TEX26: variants seen among roughly 807,000 people sequenced by gnomAD.
TEX26 encodes the protein testis-expressed protein 26.
Under a neutral mutation model 35.3 loss-of-function variants are expected in TEX26, and 34 were observed. The observed-to-expected ratio is 0.96, with a 90% CI of 0.73 to 1.28. TEX26 has a LOEUF of 1.28. TEX26 is among the 50% of genes most tolerant of loss of function. TEX26 has a pLI of 0.00. For missense variants in TEX26, 371 were observed against 330.1 expected (o/e 1.12, Z -0.96); for synonymous variants, 136 against 111.8 (o/e 1.22, Z -1.36).
Position 30,952,797 on chromosome 13 carries a change from T to C in TEX26, c.284T>C (p.Ile95Thr). Residue 95 changes from isoleucine (I) to threonine (T), a missense_variant, in exon 3 of 7, where the codon ATC becomes ACC. Ile to Thr is a moderately conservative substitution (Grantham distance 89). Transcript: ENST00000380473. ...DLIKTETSRG[I>T]KSHKSHLNED... ...ATCAAAACTGAGACTTCAAGAGGAA[T>C]CAAGAGCCACAAATCTCATCTCAAT... The C allele has an allele frequency of 6.2e-7, 1 of 1,613,058 alleles. No homozygotes were observed.
intron 2 of TEX26, among the ~76,000 whole-genome samples, chr13:30,946,780 G>A: frequency 6.6e-6 from 1 of 151,884 alleles, no homozygotes; most frequent in African/African-American, 2.4e-5. Context: ...TTAAATAGCT[G>A]CAAAAGATTA....
intron 4 of TEX26, among the ~76,000 whole-genome samples, chr13:30,957,939 T>C (rs1409602922): frequency 6.6e-6 from 1 of 152,234 alleles, no homozygotes. Flanking sequence ...TGGTGTCTTC[T>C]GTAGGTAAGT....
At chr13:30,960,144 T>C (rs1240655326) in intron 4 of TEX26, among the ~76,000 whole-genome samples, 1 of 152,264 alleles carries the variant, frequency 6.6e-6, no homozygotes, top group Non-Finnish European at 1.5e-5. Context: ...AGCTACTGGA[T>C]AGTTGGATCG....
chr13:30,947,815 T>G (rs1280892209), intron 2 of TEX26, among the ~76,000 whole-genome samples: 1 of 152,200 alleles, frequency 6.6e-6, no homozygotes, highest in Non-Finnish European at 1.5e-5. Flanking sequence ...TGTATACATG[T>G]GCCGTGTTGG....
In TEX26 at chr13:30,960,153, C is replaced by T. The variant is rs554912035; in HGVS notation, c.469+3124C>T. Among the ~76,000 whole-genome samples, 13 of 152,320 alleles carry T rather than the reference C, an allele frequency of 8.5e-5. No homozygotes were observed. The South Asian group carries it at 2.3e-3, about 27-fold the overall frequency. ...TTAGGAAGCTACTGGATAGTTGGATCGAGCCTTAAATTATCTTACCTTTTC... is the reference window on the plus strand; with the variant it reads ...TTAGGAAGCTACTGGATAGTTGGATTGAGCCTTAAATTATCTTACCTTTTC... On this transcript the variant is annotated intron_variant, in intron 4 of 6. Transcript: ENST00000380473.
intron 2 of TEX26, among the ~76,000 whole-genome samples, chr13:30,949,370 A>G (rs906289666): frequency 6.6e-6 from 1 of 152,158 alleles, no homozygotes; most frequent in Admixed American, 6.5e-5. Flanking sequence ...TCCGGTTTAT[A>G]CCATCTTTAC....
Position 30,975,004 on chromosome 13 carries a change from C to A in TEX26, c.*97C>A, listed in dbSNP as rs567701017. 1 of 772,464 alleles carries A rather than the reference C, an allele frequency of 1.3e-6. No individual in the cohort carries two copies. The highest frequency in any genetic ancestry group is 2.0e-6 in the Non-Finnish European group (1 of 494,454). The allele number at this position is 772,464 out of a possible 1,614,324, so 47.9% of individuals were successfully genotyped here. A position where few individuals can be genotyped will look rare whatever the true frequency, so the allele number is the denominator to read the frequency against. ...TCAATTATCAAGGAAAAATAAGATGCAAATAGCTTCAAGTATGATGTGATA... is the reference window on the plus strand; with the variant it reads ...TCAATTATCAAGGAAAAATAAGATGAAAATAGCTTCAAGTATGATGTGATA... On this transcript the variant is annotated 3_prime_UTR_variant, in exon 7 of 7. Transcript: ENST00000380473.
chr13:30,963,591 T>A lies in TEX26; in HGVS notation c.470-2631T>A, dbSNP rs1168034585. The stretch of plus-strand genomic sequence containing the variant: ...CAGTCACTAGAGTGTACTTCAGATA[T>A]TAATTGCTAATCCATAGCAGTTATG... On this transcript the variant is annotated intron_variant, in intron 4 of 6. Transcript: ENST00000380473. 2.0e-5 allele frequency among the ~76,000 whole-genome samples: 3 copies of A among 152,232 alleles called. No homozygotes were observed. The East Asian group carries it at 5.8e-4, about 29-fold the overall frequency.
chr13:30,971,600 G>A lies in TEX26; in HGVS notation c.808+2554G>A, dbSNP rs144601929. ...AAAACTAACGCTGTGAAAGCATAAA[G>A]GAGAGAGAGCTGAAGGCAAACCTTT... On this transcript the variant is annotated intron_variant, in intron 6 of 6. Transcript: ENST00000380473. Among the ~76,000 whole-genome samples the A allele has an allele frequency of 5.3e-5, 8 of 152,178 alleles. No homozygotes were observed. In the South Asian group the frequency reaches 1.2e-3, roughly 24 times the overall value.
At chr13:30,938,714 C>T (rs977131442) in intron 1 of TEX26, among the ~76,000 whole-genome samples, 2 of 152,208 alleles carry the variant, frequency 1.3e-5, no homozygotes, top group Admixed American at 6.5e-5. Context: ...AGCTGGCATC[C>T]TCCTGGAATC....
At chr13:30,935,429 C>T (rs911623423) in intron 1 of TEX26, among the ~76,000 whole-genome samples, 12 of 152,248 alleles carry the variant, frequency 7.9e-5, no homozygotes, top group Non-Finnish European at 1.3e-4. Flanking sequence ...TTCCTTCCCT[C>T]TGAAGTCCAT....
intron 6 of TEX26, among the ~76,000 whole-genome samples, chr13:30,972,545 C>T (rs1954748451): frequency 6.6e-6 from 1 of 152,104 alleles, no homozygotes; most frequent in Admixed American, 6.5e-5. Flanking sequence ...TAGCAAATAT[C>T]AATGAGAGGA....
At position 30,957,012 on chromosome 13, in the gene TEX26, T is replaced by C. The variant is rs1954162888; in HGVS notation, c.452T>C (p.Phe151Ser). 6.2e-7 allele frequency: 1 copy of C among 1,614,130 alleles called. No individual in the cohort carries two copies. Among genetic ancestry groups the C allele is most frequent in the Middle Eastern group, 1.6e-4 (1 of 6,062 alleles). The change falls in exon 4 of 7, where the codon TTT becomes TCT. Residue 151 changes from phenylalanine (F) to serine (S), a missense_variant. Coordinates refer to ENST00000380473, the MANE Select transcript of TEX26 (RefSeq NM_152325.3). ...NQFISLTKRD[F>S]VDRSKAQKIK... Reference sequence around the variant, plus strand: ...TTTATTTCCCTTACTAAGAGAGACTTTGTGGACAGATCAAAAGGTAAACAC... The same window carrying C: ...TTTATTTCCCTTACTAAGAGAGACTCTGTGGACAGATCAAAAGGTAAACAC...
intron 4 of TEX26, among the ~76,000 whole-genome samples, chr13:30,962,388 C>T (rs1035696095): frequency 2.0e-5 from 3 of 152,218 alleles, no homozygotes; most frequent in African/African-American, 7.2e-5. Context: ...ACCTCCATGC[C>T]TCGTGGCCTT....
chr13:30,974,801 T>G, intron 6 of TEX26, 45 bp from the exon 7 acceptor site: 1 of 1,489,356 alleles, frequency 6.7e-7, no homozygotes, highest in Non-Finnish European at 8.9e-7. Context: ...ATCATTTAAA[T>G]ACTTACGTGA....
chr13:30,940,435 G>T (rs1490334383), intron 2 of TEX26, among the ~76,000 whole-genome samples: 1 of 142,228 alleles, frequency 7.0e-6, no homozygotes, highest in Non-Finnish European at 1.5e-5. Flanking sequence ...CTGGGTTCAC[G>T]CCATTCTCCT....
chr13:30,956,990 A>T lies in TEX26; in HGVS notation c.430A>T (p.Ile144Phe). Residue 144 changes from isoleucine to phenylalanine, a missense_variant, in exon 4 of 7, where the codon ATT (isoleucine) becomes TTT (phenylalanine). Coordinates refer to ENST00000380473, the MANE Select transcript of TEX26 (RefSeq NM_152325.3). ...EVNKALSNQF[I>F]SLTKRDFVDR... ...TAACAAGGCACTATCAAATCAGTTT[A>T]TTTCCCTTACTAAGAGAGACTTTGT... 6.2e-7 allele frequency: 1 copy of T among 1,614,212 alleles called. No homozygotes were observed. The highest frequency in any genetic ancestry group is 8.5e-7 in the Non-Finnish European group (1 of 1,180,042).
Position 30,954,732 on chromosome 13 carries a change from A to T in TEX26, c.312+1907A>T, listed in dbSNP as rs554692310. 2.0e-5 allele frequency among the ~76,000 whole-genome samples: 3 copies of T among 152,356 alleles called. No homozygotes were observed. In the East Asian group the frequency reaches 5.8e-4, roughly 29 times the overall value. ...CCTGGCCTTCCAAAGCCCTGGGATT[A>T]CAGCCGTGAGACACTATGCTTGGTC... is the stretch of plus-strand genomic sequence containing the variant. On this transcript the variant is annotated intron_variant, in intron 3 of 6. Transcript: ENST00000380473.
At chr13:30,974,679 T>G (rs1484173328) in intron 6 of TEX26, 167 bp from the exon 7 acceptor site, 7 of 549,714 alleles carry the variant, frequency 1.3e-5, no homozygotes, top group Non-Finnish European at 6.2e-6. Flanking sequence ...ATTACACAAC[T>G]GTGCCTGTTT....
Sources: allele counts gnomAD v4.1 joint callset (sites outside exome capture counted in the v4.1 genomes callset), GRCh38; gene constraint gnomAD v4.1.1; transcripts MANE v1.5; gene names NCBI Gene and HGNC (gene_info 2026-07-23, HGNC 2026-07-21).